SLCO1B3: variants seen among roughly 807,000 people sequenced by gnomAD.
The protein encoded by SLCO1B3 is solute carrier organic anion transporter family member 1B3, also known as liver-specific organic anion transporter 2.
In SLCO1B3, 72 loss-of-function variants were observed where a neutral mutation model predicts 71.8. The ratio of observed to expected loss-of-function variants is 1.00; its 90% confidence interval spans 0.83 to 1.22. The LOEUF (loss-of-function observed/expected upper bound fraction) is 1.22. Ranked by LOEUF, SLCO1B3 falls within the 50% of genes most tolerant of loss-of-function variation. The pLI, the probability that SLCO1B3 is intolerant of heterozygous loss-of-function variation, is 0.00. For missense variants in SLCO1B3, 911 were observed against 819.7 expected (o/e 1.11, Z -1.36); for synonymous variants, 298 against 278.4 (o/e 1.07, Z -0.70).
intron 2 of SLCO1B3, among the ~76,000 whole-genome samples, chr12:20,813,915 A>C (rs1438210170): frequency 1.3e-5 from 2 of 152,190 alleles, no homozygotes; most frequent in Non-Finnish European, 2.9e-5. Context: ...TCAATTGTAC[A>C]TATAACCTAT....
chr12:20,872,932 A>G (rs2417939), intron 8 of SLCO1B3, among the ~76,000 whole-genome samples: 110,122 of 152,102 alleles, frequency 0.72, 42,471 homozygotes, highest in South Asian at 0.9. Context: ...TTTCATGGTC[A>G]TCCAAACATC....
At chr12:20,899,178 A>G (rs1042421407) in intron 14 of SLCO1B3, among the ~76,000 whole-genome samples, 2 of 152,192 alleles carry the variant, frequency 1.3e-5, no homozygotes, top group African/African-American at 4.8e-5. Flanking sequence ...ATGAGAAAAG[A>G]TTTAGGAAAT....
chr12:20,844,290 G>A (rs1348089925), intron 3 of SLCO1B3, among the ~76,000 whole-genome samples: 1 of 152,016 alleles, frequency 6.6e-6, no homozygotes, highest in Non-Finnish European at 1.5e-5. Context: ...TTTCTGGCCA[G>A]GCGCAGTGGC....
rs774744529 is a variant in SLCO1B3, at chr12:20,916,012, A to G, written c.1874A>G (p.Tyr625Cys). ...IYNSVFFGRVYLGLSIALRFP... is the reference protein window; with the variant it reads ...IYNSVFFGRVCLGLSIALRFP... Reference sequence around the variant, plus strand: ...ATTTTCTCTTTTCACAGAAGGGTCTACTTGGGCTTATCTATAGCTTTAAGA... The same window carrying G: ...ATTTTCTCTTTTCACAGAAGGGTCTGCTTGGGCTTATCTATAGCTTTAAGA... The change falls in exon 16 of 16, where the codon TAC (tyrosine) becomes TGC (cysteine). Residue 625 changes from tyrosine (Y) to cysteine (C), a missense_variant. Coordinates refer to ENST00000381545, the MANE Select transcript of SLCO1B3 (RefSeq NM_019844.4). 2 of 1,602,748 alleles carry G rather than the reference A, an allele frequency of 1.2e-6. No homozygotes were observed. Among genetic ancestry groups the G allele is most frequent in the Non-Finnish European group, 1.7e-6 (2 of 1,171,370 alleles).
rs559871222 is a variant in SLCO1B3 at position 20,879,763 on chromosome 12, AT to A, written c.1331+134del. The A allele has an allele frequency of 8.6e-5, 57 of 665,590 alleles. No homozygotes were observed. The East Asian group carries it at 1.4e-3, about 16-fold the overall frequency. The allele number at this position is 665,590 out of a possible 1,614,324, so 41.2% of individuals were successfully genotyped here. On this transcript the variant is annotated intron_variant, in intron 11 of 15. Coordinates refer to ENST00000381545, the MANE Select transcript of SLCO1B3 (RefSeq NM_019844.4). ...AATTGAGAGAAATTTCAATTTTCAA[AT>A]TCTTAAAATGTCCATTTCCTAAGAC...
intron 8 of SLCO1B3, among the ~76,000 whole-genome samples, chr12:20,869,913 A>AT (rs910930576): frequency 1.3e-5 from 2 of 152,030 alleles, no homozygotes; most frequent in Admixed American, 6.6e-5. Context: ...ACTTCATACT[A>AT]TTTTTTTATA....
chr12:20,882,714 C>T (rs1314079634), intron 12 of SLCO1B3, among the ~76,000 whole-genome samples: 1 of 152,076 alleles, frequency 6.6e-6, no homozygotes, highest in Non-Finnish European at 1.5e-5. Flanking sequence ...AATTCTTTTA[C>T]AAGTTCTCCT....
At chr12:20,811,905 A>ATTTT (rs11292391) in intron 1 of SLCO1B3, among the ~76,000 whole-genome samples, 16 of 114,832 alleles carry the variant, frequency 1.4e-4, no homozygotes, top group African/African-American at 2.5e-4. Flanking sequence ...TACTTGATAC[A>ATTTT]TTTTTTTTTT....
intron 5 of SLCO1B3, among the ~76,000 whole-genome samples, chr12:20,860,651 C>T (rs1447048509): frequency 6.9e-6 from 1 of 144,974 alleles, no homozygotes; most frequent in Non-Finnish European, 1.5e-5. Flanking sequence ...GAAAGAAAAT[C>T]AGACAGATTG....
At chr12:20,880,765 C>G (rs1865674320) in intron 11 of SLCO1B3, 90 bp from the exon 12 acceptor site, 1 of 755,208 alleles carries the variant, frequency 1.3e-6, no homozygotes, top group African/African-American at 1.8e-5. Context: ...TCCTCTATTT[C>G]CCCTCTCCTT....
In SLCO1B3 at chr12:20,814,411, A is replaced by G. The variant is rs115521203; in HGVS notation, c.-66+773A>G. On this transcript the variant is annotated intron_variant, in intron 2 of 15. Transcript: ENST00000381545. ...TTTCTAATATGAAATAATTAGATAT[A>G]AGCTAAATAGTTAACGATATAGAAC... is the stretch of plus-strand genomic sequence containing the variant. 6.6e-3 allele frequency among the ~76,000 whole-genome samples: 1,010 copies of G among 152,264 alleles called. 10 individuals are homozygous for G. Among genetic ancestry groups the G allele is most frequent in the African/African-American group, 0.023 (961 of 41,544 alleles).
chr12:20,867,141 G>C (rs1865388958), intron 8 of SLCO1B3, among the ~76,000 whole-genome samples: 1 of 152,068 alleles, frequency 6.6e-6, no homozygotes, highest in Non-Finnish European at 1.5e-5. Context: ...CAAACTCAAT[G>C]TCTCTAATTC....
At chr12:20,838,015 T>G (rs923965336) in intron 3 of SLCO1B3, among the ~76,000 whole-genome samples, 3 of 152,092 alleles carry the variant, frequency 2.0e-5, no homozygotes, top group African/African-American at 4.8e-5. Context: ...TGTTGTTGGG[T>G]GCATATATGT....
At chr12:20,846,696 G>A (rs1864927373) in intron 3 of SLCO1B3, among the ~76,000 whole-genome samples, 1 of 152,152 alleles carries the variant, frequency 6.6e-6, no homozygotes, top group African/African-American at 2.4e-5. Flanking sequence ...TGCAGGTGTA[G>A]TCAAGTCTAA....
chr12:20,912,070 T>C (rs1400715831), intron 15 of SLCO1B3, among the ~76,000 whole-genome samples: 3 of 152,096 alleles, frequency 2.0e-5, no homozygotes, highest in Admixed American at 1.3e-4. Context: ...ACTGCATCCA[T>C]AACATTTGAT....
intron 3 of SLCO1B3, among the ~76,000 whole-genome samples, chr12:20,820,692 A>G (rs951595967): frequency 2.6e-5 from 4 of 152,152 alleles, no homozygotes; most frequent in Non-Finnish European, 1.5e-5. Flanking sequence ...TGTCAGGAGC[A>G]GATTGGGTAA....
At chr12:20,881,547 CCCTATTCTTGATTT>C (rs1865694184) in intron 12 of SLCO1B3, among the ~76,000 whole-genome samples, 1 of 152,124 alleles carries the variant, frequency 6.6e-6, no homozygotes, top group African/African-American at 2.4e-5. Flanking sequence ...CACTTGAATT[CCCTATTCTTGATTT>C]CCTATTTTGA....
chr12:20,889,094 GT>G (rs34861372), intron 13 of SLCO1B3, among the ~76,000 whole-genome samples: 1,628 of 143,062 alleles, frequency 0.011, 16 homozygotes, highest in South Asian at 0.028. Flanking sequence ...ATTTTCTAGA[GT>G]TTTTTTTTTT....
At chr12:20,854,305 C>CACTATT (rs1565590125) in intron 3 of SLCO1B3, among the ~76,000 whole-genome samples, 2 of 151,072 alleles carry the variant, frequency 1.3e-5, no homozygotes, top group Non-Finnish European at 3.0e-5. Context: ...ATTGAAGTAT[C>CACTATT]ATTATTATTA....
Sources: allele counts gnomAD v4.1 joint callset (sites outside exome capture counted in the v4.1 genomes callset), GRCh38; gene constraint gnomAD v4.1.1; transcripts MANE v1.5; gene names NCBI Gene and HGNC (gene_info 2026-07-23, HGNC 2026-07-21).